The following MACROD2 variants were observed in gnomAD, a reference collection of about 807,000 sequenced individuals.
MACROD2 encodes the protein ADP-ribose glycohydrolase MACROD2.
MACROD2 carries 36 observed loss-of-function variants against 70.4 expected under a neutral mutation model. The ratio of observed to expected loss-of-function variants is 0.51; its 90% CI spans 0.39 to 0.68. The LOEUF is 0.68. MACROD2 is among the 30% of genes least tolerant of loss of function. MACROD2 has a pLI of 0.00. For synonymous variants in MACROD2, 172 were observed against 178.8 expected (o/e 0.96, Z 0.30); for missense variants, 496 against 538.4 (o/e 0.92, Z 0.78).
rs1445746791 is a variant in MACROD2, at chr20:16,051,600, C to A, written c.*1724C>A. 1 of 152,090 alleles carries A rather than the reference C, an allele frequency of 6.6e-6. No individual in the cohort carries two copies. The highest frequency in any genetic ancestry group is 1.5e-5 in the Non-Finnish European group (1 of 68,020). The allele number at this position is 152,090 out of a possible 1,614,324, so 9.4% of individuals were successfully genotyped here. A position where few individuals can be genotyped will look rare whatever the true frequency, so the allele number is the denominator to read the frequency against. On this transcript the variant is annotated 3_prime_UTR_variant, in exon 18 of 18. Transcript: ENST00000684519. ...CAGTTTGATATGGAAGCATCTATATCCTCTATTGCCGTTAGATGTTGTTGC... is the reference window on the plus strand; with the variant it reads ...CAGTTTGATATGGAAGCATCTATATACTCTATTGCCGTTAGATGTTGTTGC...
chr20:14,758,344 T>A (rs181009547), intron 5 of MACROD2, among the ~76,000 whole-genome samples: 4 of 152,128 alleles, frequency 2.6e-5, no homozygotes, highest in Admixed American at 2.6e-4. Flanking sequence ...GCAGAAGTAA[T>A]CTGCATTCAG....
intron 6 of MACROD2, among the ~76,000 whole-genome samples, chr20:15,267,419 C>A (rs1253927914): frequency 6.6e-6 from 1 of 152,148 alleles, no homozygotes; most frequent in Non-Finnish European, 1.5e-5. Flanking sequence ...GCCTTGTCTA[C>A]CTTTGTGTCC....
intron 3 of MACROD2, among the ~76,000 whole-genome samples, chr20:14,483,109 G>A (rs1189419623): frequency 2.6e-5 from 4 of 152,172 alleles, no homozygotes; most frequent in Admixed American, 1.3e-4. Context: ...GGGTATAAAT[G>A]TAAATTTGAG....
intron 4 of MACROD2, among the ~76,000 whole-genome samples, chr20:14,534,693 G>A (rs1376348083): frequency 6.6e-6 from 1 of 151,884 alleles, no homozygotes; most frequent in Admixed American, 6.6e-5. Context: ...ATTTTCAAGG[G>A]GCTTAACATT....
intron 7 of MACROD2, among the ~76,000 whole-genome samples, chr20:15,463,654 C>T (rs1486179959): frequency 1.3e-5 from 2 of 152,054 alleles, no homozygotes; most frequent in African/African-American, 4.8e-5. Context: ...GAAGCTGAGG[C>T]AGGAGAATCA....
At chr20:15,678,134 A>G (rs1394204452) in intron 8 of MACROD2, among the ~76,000 whole-genome samples, 1 of 152,228 alleles carries the variant, frequency 6.6e-6, no homozygotes, top group Non-Finnish European at 1.5e-5. Flanking sequence ...ACCTGGTTAA[A>G]TAACTTGCCT....
intron 5 of MACROD2, among the ~76,000 whole-genome samples, chr20:15,193,282 G>A (rs1724043250): frequency 6.6e-6 from 1 of 152,136 alleles, no homozygotes; most frequent in Non-Finnish European, 1.5e-5. Context: ...TTGGCAGAAA[G>A]AGCCATAGTT....
chr20:14,595,566 C>A (rs965327522), intron 4 of MACROD2, among the ~76,000 whole-genome samples: 2 of 152,148 alleles, frequency 1.3e-5, no homozygotes, highest in African/African-American at 4.8e-5. Context: ...ATTTCTTTAA[C>A]CCCTCCATAT....
chr20:15,947,087 G>A (rs6131743), intron 12 of MACROD2, among the ~76,000 whole-genome samples: 8,854 of 152,256 alleles, frequency 0.058, 434 homozygotes, highest in East Asian at 0.24. Flanking sequence ...CCCGCCACAG[G>A]GCGGTTTTTC....
chr20:15,021,248 A>ATACGCACACCTGTG (rs1555774718), intron 5 of MACROD2, among the ~76,000 whole-genome samples: 1,425 of 53,340 alleles, frequency 0.027, 204 homozygotes, highest in Non-Finnish European at 0.038. Flanking sequence ...ACCTGTGTGT[A>ATACGCACACCTGTG]TGTATACACA....
At chr20:15,277,795 GGAA>G (rs548246262) in intron 6 of MACROD2, among the ~76,000 whole-genome samples, 91 of 152,262 alleles carry the variant, frequency 6.0e-4, no homozygotes, top group African/African-American at 2.1e-3. Flanking sequence ...AAGGAATTGG[GGAA>G]GAAGAAAGAA....
At position 16,022,143 on chromosome 20, in the gene MACROD2, CG is replaced by C. The variant is rs1440045761; in HGVS notation, c.1154-19055del. ...TTGGCTCACTGCAAGCTCTGCCTCC[CG>C]GGTTCATGCCATTCTCCTGCCTCAG... On this transcript the variant is annotated intron_variant, in intron 15 of 17. Transcript: ENST00000684519. 2.7e-5 allele frequency among the ~76,000 whole-genome samples: 4 copies of C among 150,632 alleles called. No homozygotes were observed. In the East Asian group the frequency reaches 7.9e-4, roughly 30 times the overall value.
At chr20:14,310,873 TA>T in intron 3 of MACROD2, among the ~76,000 whole-genome samples, 1 of 152,052 alleles carries the variant, frequency 6.6e-6, no homozygotes, top group East Asian at 1.9e-4. Context: ...AATTTTTTTT[TA>T]AATAGAAAAA....
At chr20:14,255,834 C>A (rs1289994298) in intron 3 of MACROD2, among the ~76,000 whole-genome samples, 1 of 151,970 alleles carries the variant, frequency 6.6e-6, no homozygotes, top group Non-Finnish European at 1.5e-5. Context: ...CTCCCTCTCT[C>A]TCTTTTCACC....
chr20:15,617,716 A>G (rs568177802), intron 8 of MACROD2, among the ~76,000 whole-genome samples: 1 of 152,228 alleles, frequency 6.6e-6, no homozygotes, highest in Non-Finnish European at 1.5e-5. Flanking sequence ...CCCTGGGGCT[A>G]CAGAAATAGG....
intron 6 of MACROD2, among the ~76,000 whole-genome samples, chr20:15,244,213 C>T (rs2077085625): frequency 6.6e-6 from 1 of 151,934 alleles, no homozygotes; most frequent in Non-Finnish European, 1.5e-5. Context: ...TAAAATTTTC[C>T]ATGTTGGGGC....
chr20:14,624,449 C>A (rs752765669), intron 4 of MACROD2, among the ~76,000 whole-genome samples: 69 of 152,188 alleles, frequency 4.5e-4, no homozygotes, highest in Non-Finnish European at 2.2e-4. Context: ...TCAGCCCTGC[C>A]ACTAGAGTCA....
intron 5 of MACROD2, among the ~76,000 whole-genome samples, chr20:15,221,526 C>A (rs2076861285): frequency 6.6e-6 from 1 of 152,182 alleles, no homozygotes; most frequent in Non-Finnish European, 1.5e-5. Context: ...CACAGGATAT[C>A]CCTTTTCCAT....
chr20:14,699,627 C>T (rs891794143), intron 5 of MACROD2, among the ~76,000 whole-genome samples: 5 of 152,040 alleles, frequency 3.3e-5, no homozygotes, highest in African/African-American at 4.8e-5. Flanking sequence ...CAAGGAAGGC[C>T]GTCAGTCTCA....
Sources: gnomAD v4.1 joint callset for allele counts (sites outside exome capture counted in the v4.1 genomes callset) on GRCh38, gnomAD v4.1.1 for gene constraint, MANE v1.5 for transcripts, NCBI Gene and HGNC (gene_info 2026-07-23, HGNC 2026-07-21) for gene names.